Variants in MDGA2 observed in about 807,000 individuals in gnomAD.
MDGA2 encodes the protein MAM domain containing glycosylphosphatidylinositol anchor 2, also known as MAM domain-containing glycosylphosphatidylinositol anchor protein 2.
In MDGA2, 40 loss-of-function variants were observed where a neutral mutation model predicts 117.8. That is an observed-to-expected ratio of 0.34 (90% CI 0.26 to 0.44). The LOEUF is 0.44. Among genes scored for constraint, MDGA2 ranks in the 20% least tolerant of loss-of-function variants. The pLI is 1.00. For missense variants in MDGA2, 1,123 were observed against 1,250.6 expected (o/e 0.90, Z 1.54); for synonymous variants, 452 against 439.0 (o/e 1.03, Z -0.37).
At chr14:47,444,184 T>G (rs1359129649) in intron 1 of MDGA2, 4 of 221,042 alleles carry the variant, frequency 1.8e-5, no homozygotes, top group African/African-American at 9.3e-5. Context: ...CCAGCTGAGG[T>G]TGTCAATACA....
chr14:47,107,729 C>G (rs1392124630), intron 5 of MDGA2, among the ~76,000 whole-genome samples: 1 of 151,208 alleles, frequency 6.6e-6, no homozygotes, highest in Non-Finnish European at 1.5e-5. Context: ...GCATGGTTAG[C>G]GCGGTCAGAA....
chr14:47,358,012 C>T (rs1891034146), intron 1 of MDGA2, among the ~76,000 whole-genome samples: 1 of 152,154 alleles, frequency 6.6e-6, no homozygotes, highest in Non-Finnish European at 1.5e-5. Flanking sequence ...GAAAAAGTGC[C>T]TACTTGCAAC....
intron 1 of MDGA2, among the ~76,000 whole-genome samples, chr14:47,590,633 T>C (rs961567753): frequency 6.6e-6 from 1 of 151,990 alleles, no homozygotes; most frequent in African/African-American, 2.4e-5. Flanking sequence ...TAATTTATTG[T>C]ACATTTTAAA....
At chr14:47,198,654 T>A (rs1334925281) in intron 3 of MDGA2, among the ~76,000 whole-genome samples, 1 of 152,216 alleles carries the variant, frequency 6.6e-6, no homozygotes, top group Non-Finnish European at 1.5e-5. Flanking sequence ...AATGATGCTA[T>A]GAATATTCTG....
chr14:47,666,617 C>G (rs1897973358), intron 1 of MDGA2, among the ~76,000 whole-genome samples: 1 of 152,140 alleles, frequency 6.6e-6, no homozygotes, highest in Non-Finnish European at 1.5e-5. Context: ...GACCAATCGG[C>G]TCTCTGTAAA....
intron 2 of MDGA2, among the ~76,000 whole-genome samples, chr14:47,269,411 G>A (rs1888072389): frequency 6.6e-6 from 1 of 152,072 alleles, no homozygotes; most frequent in African/African-American, 2.4e-5. Flanking sequence ...TAGAATGAGT[G>A]TATAATTTGT....
At chr14:47,626,734 C>T (rs1897150904) in intron 1 of MDGA2, among the ~76,000 whole-genome samples, 1 of 152,230 alleles carries the variant, frequency 6.6e-6, no homozygotes, top group South Asian at 2.1e-4. Flanking sequence ...CTCCCCGGCC[C>T]TTAGCTGCCT....
At chr14:47,495,027 T>C (rs1443389307) in intron 1 of MDGA2, among the ~76,000 whole-genome samples, 1 of 151,908 alleles carries the variant, frequency 6.6e-6, no homozygotes, top group Non-Finnish European at 1.5e-5. Context: ...CATTAGGTAA[T>C]AGATTAGATA....
At chr14:46,927,335 T>C (rs1270636013) in intron 9 of MDGA2, among the ~76,000 whole-genome samples, 1 of 152,174 alleles carries the variant, frequency 6.6e-6, no homozygotes, top group African/African-American at 2.4e-5. Context: ...ACCAATTTGA[T>C]GGGTTCTACC....
chr14:47,492,700 T>C (rs1035825599), intron 1 of MDGA2, among the ~76,000 whole-genome samples: 12 of 152,154 alleles, frequency 7.9e-5, no homozygotes, highest in African/African-American at 2.9e-4. Context: ...CAGTTAAGTA[T>C]TTTAAAGCAC....
rs531186289 is a variant in MDGA2 at position 47,471,383 on chromosome 14, CT to C, written c.281-169834del. Among the ~76,000 whole-genome samples, 408 of 151,932 alleles carry C rather than the reference CT, an allele frequency of 2.7e-3. 2 individuals carry two copies. The highest frequency in any genetic ancestry group is 9.6e-3 in the African/African-American group (400 of 41,470). ...TTTAAAAAACAGCACTTTATTTCTA[CT>C]CTAGATTAAACTAGTTACACATGTT... is the stretch of plus-strand genomic sequence containing the variant. On this transcript the variant is annotated intron_variant, in intron 1 of 16. Transcript: ENST00000399232.
At chr14:47,135,146 C>T (rs935441391) in intron 4 of MDGA2, among the ~76,000 whole-genome samples, 2 of 152,014 alleles carry the variant, frequency 1.3e-5, no homozygotes, top group Admixed American at 6.6e-5. Context: ...TGCTTCCATA[C>T]TTCTCTGCTT....
intron 1 of MDGA2, among the ~76,000 whole-genome samples, chr14:47,467,454 T>C (rs1350156126): frequency 6.6e-6 from 1 of 152,144 alleles, no homozygotes; most frequent in African/African-American, 2.4e-5. Context: ...AAGGAGACTG[T>C]CACCTTTCAC....
At chr14:47,583,375 A>T (rs1197268426) in intron 1 of MDGA2, among the ~76,000 whole-genome samples, 1 of 151,878 alleles carries the variant, frequency 6.6e-6, no homozygotes, top group Non-Finnish European at 1.5e-5. Flanking sequence ...TTTAAATGGC[A>T]ATATGAGCCT....
intron 1 of MDGA2, among the ~76,000 whole-genome samples, chr14:47,363,669 C>G (rs1253520755): frequency 6.6e-6 from 1 of 151,606 alleles, no homozygotes; most frequent in Non-Finnish European, 1.5e-5. Flanking sequence ...TAATCATTTA[C>G]TTTCTTTTAT....
intron 2 of MDGA2, among the ~76,000 whole-genome samples, chr14:47,298,171 C>T (rs1293503828): frequency 6.6e-6 from 1 of 152,030 alleles, no homozygotes; most frequent in African/African-American, 2.4e-5. Flanking sequence ...GGAACTTTTC[C>T]AAGGTCACAC....
intron 3 of MDGA2, among the ~76,000 whole-genome samples, chr14:47,173,674 G>A (rs1052178944): frequency 1.8e-4 from 27 of 152,210 alleles, no homozygotes; most frequent in African/African-American, 6.0e-4. Context: ...AGGCACAACC[G>A]GTACCAGCCA....
chr14:46,850,253 T>C (rs1455039326), intron 15 of MDGA2, among the ~76,000 whole-genome samples: 1 of 151,792 alleles, frequency 6.6e-6, no homozygotes, highest in Non-Finnish European at 1.5e-5. Flanking sequence ...TTAAAACATA[T>C]AAATATAGAT....
chr14:47,218,256 A>T, intron 2 of MDGA2, 61 bp from the exon 3 acceptor site: 1 of 1,379,126 alleles, frequency 7.3e-7, no homozygotes, highest in Non-Finnish European at 9.7e-7. Flanking sequence ...GAAATCAAAT[A>T]GCAATCACTC....
Sources: allele counts gnomAD v4.1 joint callset (sites outside exome capture counted in the v4.1 genomes callset), GRCh38; gene constraint gnomAD v4.1.1; transcripts MANE v1.5; gene names NCBI Gene and HGNC (gene_info 2026-07-23, HGNC 2026-07-21).